The following CSGALNACT1 variants were observed in gnomAD, a reference collection of about 807,000 sequenced individuals.
The protein encoded by CSGALNACT1 is chondroitin sulfate N-acetylgalactosaminyltransferase 1, also known as beta4GalNAcT-1.
CSGALNACT1 carries 52 observed loss-of-function variants against 51.0 expected under a neutral mutation model. The ratio of observed to expected loss-of-function variants is 1.02; its 90% CI spans 0.82 to 1.29. CSGALNACT1 has a LOEUF of 1.29. CSGALNACT1 is among the 50% of genes most tolerant of loss of function. The pLI is 0.00. For missense variants in CSGALNACT1, 935 were observed against 679.2 expected, an observed-to-expected ratio of 1.38 and a Z score of -4.19; for synonymous variants, 341 against 254.4, an observed-to-expected ratio of 1.34 and a Z score of -3.24.
intron 4 of CSGALNACT1, among the ~76,000 whole-genome samples, chr8:19,467,671 G>A (rs561278830): frequency 9.8e-4 from 149 of 151,976 alleles, no homozygotes; most frequent in Middle Eastern, 6.8e-3. Context: ...TATTAATGAT[G>A]GATTGTATTC....
chr8:19,527,537 G>A lies in CSGALNACT1; in HGVS notation c.-296-21407C>T, dbSNP rs547917313. ...AGGACGGAAAATCGCTTGAACCTGC[G>A]AGGCAGAGGTTAAAGTGAGCTGAGA... On this transcript the variant is annotated intron_variant, in intron 3 of 9. Transcript: ENST00000454498. Among the ~76,000 whole-genome samples the A allele has an allele frequency of 3.9e-5, 6 of 152,306 alleles. No individual in the cohort carries two copies. In the South Asian group the frequency reaches 6.2e-4, roughly 16 times the overall value.
intron 1 of CSGALNACT1, among the ~76,000 whole-genome samples, chr8:19,619,604 T>A (rs571331039): frequency 3.9e-5 from 6 of 152,106 alleles, no homozygotes; most frequent in Non-Finnish European, 5.9e-5. Context: ...ATTCTAGGCA[T>A]AGAGTCAGGG....
intron 3 of CSGALNACT1, among the ~76,000 whole-genome samples, chr8:19,573,167 C>T (rs1243625947): frequency 6.6e-6 from 1 of 152,178 alleles, no homozygotes; most frequent in African/African-American, 2.4e-5. Context: ...ATTAAGTCAG[C>T]TTGGTTCATC....
chr8:19,405,083 GCT>G, exon 10 of CSGALNACT1: 1 of 453,708 alleles, frequency 2.2e-6, no homozygotes, highest in South Asian at 1.6e-5. Flanking sequence ...GCCAACTTGT[GCT>G]CTCTTGTAAG....
intron 4 of CSGALNACT1, among the ~76,000 whole-genome samples, chr8:19,458,937 A>G (rs537307916): frequency 6.6e-5 from 10 of 152,340 alleles, no homozygotes; most frequent in African/African-American, 1.4e-4. Context: ...GATTTTTAGG[A>G]AACAGGCCAA....
At chr8:19,679,594 A>G (rs1384597727) in intron 1 of CSGALNACT1, among the ~76,000 whole-genome samples, 1 of 152,182 alleles carries the variant, frequency 6.6e-6, no homozygotes, top group Non-Finnish European at 1.5e-5. Flanking sequence ...GCCACCTTTA[A>G]AAAGCTAGGA....
chr8:19,702,545 C>G (rs558761026), intron 1 of CSGALNACT1, among the ~76,000 whole-genome samples: 1 of 152,056 alleles, frequency 6.6e-6, no homozygotes, highest in African/African-American at 2.4e-5. Context: ...AATTCAAATT[C>G]TTCAACCTGC....
At chr8:19,432,859 T>A (rs1180108660) in intron 6 of CSGALNACT1, among the ~76,000 whole-genome samples, 1 of 152,178 alleles carries the variant, frequency 6.6e-6, no homozygotes, top group African/African-American at 2.4e-5. Context: ...TTAAATGTGT[T>A]TTTACTTTTG....
At chr8:19,629,015 A>C (rs573727045) in intron 1 of CSGALNACT1, among the ~76,000 whole-genome samples, 1 of 152,284 alleles carries the variant, frequency 6.6e-6, no homozygotes, top group African/African-American at 2.4e-5. Context: ...ACCAAGGAGA[A>C]ACTGGAGAGA....
Position 19,408,620 on chromosome 8 carries a change from G to A in CSGALNACT1, c.1302C>T (p.Ile434=), listed in dbSNP as rs536705519. Residue 434 remains isoleucine, a synonymous_variant, in exon 9 of 10, where the codon ATC becomes ATT. Coordinates refer to ENST00000454498, the Ensembl canonical transcript of CSGALNACT1. ...GATGCAGATTTGTCCTACCTATATTGATGAAGTCTGACCGATACTGACACG... is the reference window on the plus strand; with the variant it reads ...GATGCAGATTTGTCCTACCTATATTAATGAAGTCTGACCGATACTGACACG... 3.1e-6 allele frequency: 5 copies of A among 1,613,642 alleles called. No homozygotes were observed. The South Asian group carries it at 4.4e-5, about 14-fold the overall frequency.
chr8:19,424,934 C>G (rs538029590), intron 6 of CSGALNACT1, among the ~76,000 whole-genome samples: 101 of 152,318 alleles, frequency 6.6e-4, no homozygotes, highest in East Asian at 2.9e-3. Flanking sequence ...TGCTTCCCCC[C>G]TTCCAAGTAA....
chr8:19,536,303 T>G (rs1015577999), intron 3 of CSGALNACT1, among the ~76,000 whole-genome samples: 2 of 151,252 alleles, frequency 1.3e-5, no homozygotes, highest in Non-Finnish European at 2.9e-5. Context: ...TCTTTGTACC[T>G]TCTTCATTTT....
intron 1 of CSGALNACT1, among the ~76,000 whole-genome samples, chr8:19,609,591 T>A (rs148952563): frequency 4.1e-4 from 62 of 149,634 alleles, no homozygotes; most frequent in African/African-American, 1.3e-3. Context: ...ACAAATAGAA[T>A]ACATACTGTA....
intron 1 of CSGALNACT1, among the ~76,000 whole-genome samples, chr8:19,723,690 G>T (rs540363782): frequency 6.6e-6 from 1 of 152,142 alleles, no homozygotes; most frequent in African/African-American, 2.4e-5. Flanking sequence ...TTTGGAAAAA[G>T]TGCCTCCTTT....
intron 1 of CSGALNACT1, among the ~76,000 whole-genome samples, chr8:19,619,446 T>C (rs2053535547): frequency 6.6e-6 from 1 of 152,008 alleles, no homozygotes; most frequent in Non-Finnish European, 1.5e-5. Flanking sequence ...AAGACCTTAT[T>C]TGTGACATAG....
intron 6 of CSGALNACT1, among the ~76,000 whole-genome samples, chr8:19,432,475 A>C (rs1455646223): frequency 2.0e-5 from 3 of 152,176 alleles, no homozygotes; most frequent in African/African-American, 7.2e-5. Flanking sequence ...TTTTCCATCA[A>C]ATTTGAGAAA....
intron 1 of CSGALNACT1, among the ~76,000 whole-genome samples, chr8:19,619,793 A>C (rs890716603): frequency 7.2e-5 from 11 of 152,228 alleles, no homozygotes; most frequent in African/African-American, 2.7e-4. Flanking sequence ...ACAAAAAGGG[A>C]GGCAGAGGCC....
intron 1 of CSGALNACT1, among the ~76,000 whole-genome samples, chr8:19,711,656 A>G (rs1043993953): frequency 2.6e-5 from 4 of 152,226 alleles, no homozygotes; most frequent in Non-Finnish European, 5.9e-5. Context: ...AAAGCCTAAC[A>G]CCTGGCAGAT....
intron 4 of CSGALNACT1, among the ~76,000 whole-genome samples, chr8:19,481,773 A>C (rs1563647727): frequency 6.6e-6 from 1 of 152,228 alleles, no homozygotes; most frequent in South Asian, 2.1e-4. Context: ...TGACAGGACT[A>C]GAACACATCC....
Sources: gnomAD v4.1 joint callset for allele counts (sites outside exome capture counted in the v4.1 genomes callset) on GRCh38, gnomAD v4.1.1 for gene constraint, MANE v1.5 for transcripts, NCBI Gene and HGNC (gene_info 2026-07-23, HGNC 2026-07-21) for gene names.